Variants in DDHD1 observed in about 807,000 individuals in gnomAD.
DDHD1 encodes phospholipase DDHD1.
A neutral mutation model predicts 96.4 loss-of-function variants in DDHD1; 49 were observed. The ratio of observed to expected loss-of-function variants is 0.51; its 90% CI spans 0.40 to 0.64. The LOEUF (loss-of-function observed/expected upper bound fraction) is 0.64, where lower values mean the gene tolerates loss of function less well. Among genes scored for constraint, DDHD1 ranks in the 30% least tolerant of loss-of-function variants. DDHD1 has a pLI of 0.00. For missense variants in DDHD1, 1,106 were observed against 1,161.2 expected, an observed-to-expected ratio of 0.95 and a Z score of 0.69; for synonymous variants, 442 against 446.5, an observed-to-expected ratio of 0.99 and a Z score of 0.13.
Position 53,052,183 on chromosome 14 carries a change from C to T in DDHD1, c.2438-256G>A, listed in dbSNP as rs59209449. Among the ~76,000 whole-genome samples the T allele has an allele frequency of 3.1e-3, 468 of 152,044 alleles. 11 individuals carry two copies. The East Asian group carries it at 0.055, about 18-fold the overall frequency. On this transcript the variant is annotated intron_variant, in intron 11 of 12. Transcript: ENST00000673822. ...AATTCATAGCTAATTTAGTTCCTAA[C>T]CTAGATGCAAAACAATGCTAAAAGA...
intron 1 of DDHD1, among the ~76,000 whole-genome samples, chr14:53,147,706 T>TG (rs1891092129): frequency 6.6e-6 from 1 of 152,160 alleles, no homozygotes; most frequent in Non-Finnish European, 1.5e-5. Flanking sequence ...AACCGAGCAG[T>TG]CAGGGTTCCA....
Position 53,058,601 on chromosome 14 carries a change from G to A in DDHD1, c.1868C>T (p.Ser623Phe), listed in dbSNP as rs1424984989. ...CAACGCCAAGAAAACTGCTAATGGG[G>A]ATCCCATACAGAAGAAATTCTCAAC... Reference protein sequence around the residue: ...FKVENFFCMGSPLAVFLALRG... With the variant: ...FKVENFFCMGFPLAVFLALRG... Residue 623 changes from serine to phenylalanine, a missense_variant, in exon 9 of 13, where the codon TCC (serine) becomes TTC (phenylalanine). Physicochemically the swap from Ser to Phe is radical, Grantham distance 155. This residue lies in a region of DDHD1 where 650 missense variants were observed against 758.8 expected (regional missense o/e 0.86). Transcript: ENST00000673822. 2 of 1,610,670 alleles carry A rather than the reference G, an allele frequency of 1.2e-6. No homozygotes were observed. Among genetic ancestry groups the A allele is most frequent in the Admixed American group, 3.4e-5 (2 of 59,392 alleles).
chr14:53,059,487 C>T (rs1410235786), intron 8 of DDHD1, among the ~76,000 whole-genome samples: 4 of 151,420 alleles, frequency 2.6e-5, no homozygotes, highest in Admixed American at 6.6e-5. Context: ...CCTCGTGATC[C>T]GCCCACCTTA....
intron 4 of DDHD1, among the ~76,000 whole-genome samples, chr14:53,087,049 G>A (rs958898463): frequency 9.6e-5 from 14 of 145,420 alleles, no homozygotes; most frequent in African/African-American, 2.8e-4. Context: ...AACAAAGATC[G>A]AAAGAGACAA....
chr14:53,049,657 C>CAAAAAAAAAAAA (rs11323291), intron 12 of DDHD1, among the ~76,000 whole-genome samples: 1 of 84,716 alleles, frequency 1.2e-5, no homozygotes, highest in Non-Finnish European at 2.3e-5. Context: ...TGAGCTAGGT[C>CAAAAAAAAAAAA]AAAAAAAAAA....
intron 1 of DDHD1, among the ~76,000 whole-genome samples, chr14:53,130,725 C>T (rs769696010): frequency 2.0e-5 from 3 of 152,312 alleles, no homozygotes; most frequent in Non-Finnish European, 4.4e-5. Flanking sequence ...CGGGATTCCT[C>T]GTAAGCTGTT....
chr14:53,056,204 G>A (rs1401066918), intron 9 of DDHD1, among the ~76,000 whole-genome samples: 1 of 152,088 alleles, frequency 6.6e-6, no homozygotes, highest in Non-Finnish European at 1.5e-5. Flanking sequence ...TTTAGTCTTA[G>A]GAGCAAAGTT....
At chr14:53,103,201 A>T in intron 2 of DDHD1, 1 of 647,258 alleles carries the variant, frequency 1.5e-6, no homozygotes, top group East Asian at 3.0e-5. Context: ...CTGAATAAAG[A>T]AATGTAATGA....
chr14:53,141,675 T>A (rs939389935), intron 1 of DDHD1, among the ~76,000 whole-genome samples: 3 of 152,218 alleles, frequency 2.0e-5, no homozygotes, highest in Non-Finnish European at 4.4e-5. Context: ...GTCTTCATCT[T>A]AGCTAGAAAG....
chr14:53,058,589 ACTG>A lies in DDHD1; in HGVS notation c.1877_1879del (p.Ala626del). On this transcript the variant is annotated inframe_deletion, in exon 9 of 13. Coordinates refer to ENST00000673822, the MANE Select transcript of DDHD1 (RefSeq NM_001160148.2). Reference sequence around the variant, plus strand: ...GCGGATGCCACGCAACGCCAAGAAAACTGCTAATGGGGATCCCATACAGAAGAA... The same window carrying A: ...GCGGATGCCACGCAACGCCAAGAAAACTAATGGGGATCCCATACAGAAGAA... 1 of 1,613,712 alleles carries A rather than the reference ACTG, an allele frequency of 6.2e-7. No individual in the cohort carries two copies. The highest frequency in any genetic ancestry group is 2.2e-5 in the East Asian group (1 of 44,864).
chr14:53,051,305 A>C (rs1422742005), intron 12 of DDHD1, among the ~76,000 whole-genome samples: 2 of 151,928 alleles, frequency 1.3e-5, no homozygotes, highest in Non-Finnish European at 2.9e-5. Context: ...AATATACTGA[A>C]AATTAAGAGA....
intron 1 of DDHD1, among the ~76,000 whole-genome samples, chr14:53,124,715 T>C (rs945122350): frequency 6.6e-6 from 1 of 152,230 alleles, no homozygotes; most frequent in African/African-American, 2.4e-5. Flanking sequence ...AAAACCTGCA[T>C]ATATGTCTTA....
rs958410898 is a variant in DDHD1 at position 53,040,051 on chromosome 14, A to C, written c.*6717T>G. On this transcript the variant is annotated 3_prime_UTR_variant, in exon 13 of 13. Coordinates refer to ENST00000673822, the MANE Select transcript of DDHD1 (RefSeq NM_001160148.2). ...CTGAAATTCCTAGACTGTTAAAAAA[A>C]CAAACACCTAAAACTCGACTTTTAA... 3 of 152,208 alleles carry C rather than the reference A, an allele frequency of 2.0e-5. No individual in the cohort carries two copies. Among genetic ancestry groups the C allele is most frequent in the Non-Finnish European group, 2.9e-5 (2 of 68,064 alleles). The allele number at this position is 152,208 out of a possible 1,614,324, so 9.4% of individuals were successfully genotyped here.
chr14:53,067,504 C>T lies in DDHD1; in HGVS notation c.1504-4299G>A, dbSNP rs181463376. On this transcript the variant is annotated intron_variant, in intron 6 of 12. Transcript: ENST00000673822. ...ATGGAATCTCGCTCTGTCACCCAGGCTGCAGTGCAGTGGCGTGATCTCAAC... is the reference window on the plus strand; with the variant it reads ...ATGGAATCTCGCTCTGTCACCCAGGTTGCAGTGCAGTGGCGTGATCTCAAC... Among the ~76,000 whole-genome samples, 394 of 151,444 alleles carry T rather than the reference C, an allele frequency of 2.6e-3. 3 individuals are homozygous for T. The highest frequency in any genetic ancestry group is 9.4e-3 in the African/African-American group (387 of 41,200).
intron 2 of DDHD1, chr14:53,103,094 A>C: frequency 6.5e-7 from 1 of 1,548,870 alleles, no homozygotes; most frequent in Non-Finnish European, 8.7e-7. Flanking sequence ...ACTTTACCAC[A>C]TATTTTGAAG....
At chr14:53,130,872 G>A (rs10149112) in intron 1 of DDHD1, among the ~76,000 whole-genome samples, 4,726 of 152,262 alleles carry the variant, frequency 0.031, 243 homozygotes, top group African/African-American at 0.11. Context: ...GAAATCTGAC[G>A]CTGCCTGATC....
intron 1 of DDHD1, among the ~76,000 whole-genome samples, chr14:53,129,183 C>T (rs185341010): frequency 2.7e-4 from 41 of 152,302 alleles, no homozygotes; most frequent in East Asian, 1.9e-3. Flanking sequence ...CATTTGGTGC[C>T]GAAGACCCGG....
Position 53,051,878 on chromosome 14 carries a change from C to T in DDHD1, c.2487G>A (p.Pro829=), listed in dbSNP as rs772979416. 62 of 1,599,412 alleles carry T rather than the reference C, an allele frequency of 3.9e-5. No individual in the cohort carries two copies. In the South Asian group the frequency reaches 5.1e-4, roughly 13 times the overall value. Residue 829 remains proline (P), a synonymous_variant, in exon 12 of 13, where the codon CCG becomes CCA. Transcript: ENST00000673822. ...TATCTTTATTCTGCATTACATTTTC[C>T]GGAAAAAGAAGTTGTGGGAGATTAA... ...SFFNLPQLLF[P]ENVMQNKDNA...
intron 1 of DDHD1, among the ~76,000 whole-genome samples, chr14:53,113,770 G>T (rs1888325315): frequency 6.6e-6 from 1 of 152,142 alleles, no homozygotes; most frequent in Admixed American, 6.5e-5. Context: ...ACACCACCAG[G>T]ACCCTGGGCT....
Sources: gnomAD v4.1 joint callset for allele counts (sites outside exome capture counted in the v4.1 genomes callset) on GRCh38, gnomAD v4.1.1 for gene constraint, gnomAD v4.1.1 regional missense constraint, MANE v1.5 for transcripts, NCBI Gene and HGNC (gene_info 2026-07-23, HGNC 2026-07-21) for gene names.